Variants in VAV3 observed in about 807,000 individuals in gnomAD.
The protein encoded by VAV3 is guanine nucleotide exchange factor VAV3.
In VAV3, 94 loss-of-function variants were observed where a neutral mutation model predicts 131.2. That is an observed-to-expected ratio of 0.72 (90% CI 0.61 to 0.85). The LOEUF is 0.85. Among genes scored for constraint, VAV3 ranks in the 40% least tolerant of loss-of-function variants. VAV3 has a pLI of 0.00. For missense variants in VAV3, 939 were observed against 1,002.7 expected (o/e 0.94, Z 0.86); for synonymous variants, 349 against 342.0 (o/e 1.02, Z -0.22).
chr1:107,770,546 A>T, intron 6 of VAV3, 90 bp downstream of exon 6: 1 of 852,168 alleles, frequency 1.2e-6, no homozygotes, highest in South Asian at 1.5e-5. Flanking sequence ...ATTATAATAC[A>T]CATACACACC....
intron 4 of VAV3, among the ~76,000 whole-genome samples, chr1:107,776,132 T>C (rs549051961): frequency 6.6e-6 from 1 of 152,330 alleles, no homozygotes; most frequent in South Asian, 2.1e-4. Flanking sequence ...AGCACACAAA[T>C]GGAAACTCAG....
intron 20 of VAV3, among the ~76,000 whole-genome samples, chr1:107,628,848 T>TA (rs1654233492): frequency 6.6e-6 from 1 of 152,202 alleles, no homozygotes; most frequent in Non-Finnish European, 1.5e-5. Flanking sequence ...GACACAGTTC[T>TA]AAATGAAGGT....
intron 17 of VAV3, among the ~76,000 whole-genome samples, chr1:107,693,856 C>T (rs147682738): frequency 6.6e-4 from 100 of 152,240 alleles, no homozygotes; most frequent in African/African-American, 2.3e-3. Context: ...CATTACATTG[C>T]CCAGCTTCCC....
Position 107,592,339 on chromosome 1 carries a change from G to A in VAV3, c.2350+3873C>T, listed in dbSNP as rs532935438. ...AAAGTGTTGGTTTGTCCTGCTTGGAGCATTATATTAGGAGGTACATGATAT... is the reference window on the plus strand; with the variant it reads ...AAAGTGTTGGTTTGTCCTGCTTGGAACATTATATTAGGAGGTACATGATAT... On this transcript the variant is annotated intron_variant, in intron 25 of 26. Transcript: ENST00000370056. Among the ~76,000 whole-genome samples, 8 of 152,140 alleles carry A rather than the reference G, an allele frequency of 5.3e-5. No individual in the cohort carries two copies. In the South Asian group the frequency reaches 1.7e-3, roughly 32 times the overall value.
intron 19 of VAV3, among the ~76,000 whole-genome samples, chr1:107,645,733 A>T (rs1420113757): frequency 6.6e-6 from 1 of 152,090 alleles, no homozygotes; most frequent in African/African-American, 2.4e-5. Context: ...AAGGCATCAC[A>T]CTTCACAAAT....
chr1:107,704,187 T>A (rs541884958), intron 17 of VAV3, among the ~76,000 whole-genome samples: 2 of 152,318 alleles, frequency 1.3e-5, no homozygotes, highest in African/African-American at 4.8e-5. Flanking sequence ...GAACTAAAGA[T>A]AGAAGAATAT....
At chr1:107,717,446 C>T (rs1421525565) in intron 15 of VAV3, among the ~76,000 whole-genome samples, 1 of 152,132 alleles carries the variant, frequency 6.6e-6, no homozygotes, top group African/African-American at 2.4e-5. Flanking sequence ...TGTCTTTGTT[C>T]TCATTGGTTT....
At chr1:107,613,608 A>C (rs1652918131) in intron 21 of VAV3, among the ~76,000 whole-genome samples, 1 of 152,100 alleles carries the variant, frequency 6.6e-6, no homozygotes, top group Non-Finnish European at 1.5e-5. Context: ...TAAGTATAAA[A>C]TTTTGAATTT....
intron 2 of VAV3, among the ~76,000 whole-genome samples, chr1:107,818,367 T>C (rs1667648246): frequency 1.3e-5 from 2 of 150,400 alleles, no homozygotes; most frequent in South Asian, 4.2e-4. Flanking sequence ...CCAGTGCAGT[T>C]TTTTTTTTTT....
intron 6 of VAV3, among the ~76,000 whole-genome samples, chr1:107,769,307 T>C (rs1664908138): frequency 6.8e-6 from 1 of 147,264 alleles, no homozygotes; most frequent in South Asian, 2.1e-4. Context: ...CCACATATTT[T>C]GTGACTCTAT....
intron 2 of VAV3, among the ~76,000 whole-genome samples, chr1:107,805,151 T>C (rs75817904): frequency 0.013 from 1,916 of 152,268 alleles, 17 homozygotes; most frequent in Non-Finnish European, 0.019. Flanking sequence ...CTTATTGGGG[T>C]TGAATCTGTT....
At chr1:107,770,772 A>T in intron 5 of VAV3, 44 bp from the exon 6 acceptor site, 2 of 1,455,352 alleles carry the variant, frequency 1.4e-6, no homozygotes, top group East Asian at 2.3e-5. Flanking sequence ...ATAAAATCAT[A>T]TATTAACCTA....
At chr1:107,756,541 G>A (rs1175279644) in intron 11 of VAV3, among the ~76,000 whole-genome samples, 1 of 152,102 alleles carries the variant, frequency 6.6e-6, no homozygotes, top group African/African-American at 2.4e-5. Flanking sequence ...AAGTAATTAT[G>A]CACTGCTCTG....
intron 1 of VAV3, among the ~76,000 whole-genome samples, chr1:107,940,900 T>C (rs1375962761): frequency 3.9e-5 from 6 of 152,046 alleles, no homozygotes. Context: ...TGGTGATGAT[T>C]GCACAACAGT....
intron 25 of VAV3, among the ~76,000 whole-genome samples, chr1:107,593,311 G>A (rs561471132): frequency 2.8e-4 from 42 of 152,192 alleles, no homozygotes; most frequent in African/African-American, 1.0e-3. Flanking sequence ...CTAACCTAGA[G>A]TAGCCCAAAA....
chr1:107,937,912 A>C (rs960976228), intron 1 of VAV3, among the ~76,000 whole-genome samples: 2 of 152,218 alleles, frequency 1.3e-5, no homozygotes, highest in Non-Finnish European at 2.9e-5. Flanking sequence ...CCAAATAAAT[A>C]AGGCTCTTGT....
chr1:107,772,417 A>C (rs546003865), intron 5 of VAV3, among the ~76,000 whole-genome samples: 1 of 152,322 alleles, frequency 6.6e-6, no homozygotes, highest in Admixed American at 6.5e-5. Flanking sequence ...CTTTTATAAG[A>C]GTATAATTTC....
intron 2 of VAV3, among the ~76,000 whole-genome samples, chr1:107,853,631 A>C (rs1669332399): frequency 6.6e-6 from 1 of 152,156 alleles, no homozygotes. Flanking sequence ...GTCTTTAAAA[A>C]AAAAAGTTAT....
At position 107,805,220 on chromosome 1, in the gene VAV3, T is replaced by C. The variant is rs540063908; in HGVS notation, c.322-25728A>G. Among the ~76,000 whole-genome samples, 34 of 152,314 alleles carry C rather than the reference T, an allele frequency of 2.2e-4. 1 individual carries two copies. In the South Asian group the frequency reaches 4.4e-3, roughly 19 times the overall value. ...ACCTCTTTCTCAAGTTTTGAAAAGT[T>C]GTCTACTGTTTCTTTGAATAATCTT... On this transcript the variant is annotated intron_variant, in intron 2 of 26. Transcript: ENST00000370056.
Sources: allele counts gnomAD v4.1 joint callset (sites outside exome capture counted in the v4.1 genomes callset), GRCh38; gene constraint gnomAD v4.1.1; transcripts MANE v1.5; gene names NCBI Gene and HGNC (gene_info 2026-07-23, HGNC 2026-07-21).